KLHL2: variants seen among roughly 807,000 people sequenced by gnomAD.
The protein encoded by KLHL2 is kelch-like protein 2.
Under a neutral mutation model 75.8 loss-of-function variants are expected in KLHL2, and 15 were observed. The observed-to-expected ratio is 0.20, with a 90% CI of 0.13 to 0.30. The LOEUF is 0.30. KLHL2 is among the 10% of genes least tolerant of loss of function. The pLI is 1.00. For missense variants in KLHL2, 381 were observed against 741.0 expected (o/e 0.51, Z 5.64); for synonymous variants, 214 against 251.9 (o/e 0.85, Z 1.42).
intron 3 of KLHL2, among the ~76,000 whole-genome samples, chr4:165,230,762 T>A (rs553594910): frequency 6.6e-6 from 1 of 152,330 alleles, no homozygotes; most frequent in Admixed American, 6.5e-5. Context: ...TTATTATGTT[T>A]TTAGCTCTCT....
chr4:165,311,003 C>T (rs991735364), intron 10 of KLHL2, among the ~76,000 whole-genome samples: 3 of 151,804 alleles, frequency 2.0e-5, no homozygotes, highest in South Asian at 2.1e-4. Context: ...TATAGGTGCC[C>T]GCCACCACGC....
At chr4:165,210,780 C>G (rs1344111330) in intron 1 of KLHL2, among the ~76,000 whole-genome samples, 2 of 152,150 alleles carry the variant, frequency 1.3e-5, no homozygotes, top group African/African-American at 4.8e-5. Flanking sequence ...TACAGTCTGG[C>G]TTTTATAGTT....
chr4:165,238,671 C>T, intron 3 of KLHL2, 107 bp from the exon 4 acceptor site: 1 of 1,557,674 alleles, frequency 6.4e-7, no homozygotes, highest in Non-Finnish European at 8.6e-7. Context: ...GATTATGCTG[C>T]CTGTTGAATA....
chr4:165,217,809 A>G (rs1737651925), intron 1 of KLHL2, among the ~76,000 whole-genome samples: 1 of 152,124 alleles, frequency 6.6e-6, no homozygotes, highest in Non-Finnish European at 1.5e-5. Flanking sequence ...CTAGACTCCA[A>G]TATTTATCTG....
chr4:165,278,471 A>G (rs1239993423), intron 5 of KLHL2: 1 of 1,576,560 alleles, frequency 6.3e-7, no homozygotes, highest in Non-Finnish European at 8.7e-7. Flanking sequence ...AGCAAAAGCA[A>G]TATGGCATTT....
intron 7 of KLHL2, among the ~76,000 whole-genome samples, chr4:165,298,644 A>G (rs1038852608): frequency 1.3e-5 from 2 of 152,126 alleles, no homozygotes; most frequent in Non-Finnish European, 2.9e-5. Flanking sequence ...GGTATTAAGA[A>G]GATGATCCAA....
At chr4:165,249,384 C>G (rs1259669720) in intron 4 of KLHL2, among the ~76,000 whole-genome samples, 2 of 152,152 alleles carry the variant, frequency 1.3e-5, no homozygotes, top group Non-Finnish European at 2.9e-5. Context: ...CGGTGTGCAT[C>G]ATTCTCAGGA....
At chr4:165,303,829 G>T (rs566302972) in intron 8 of KLHL2, among the ~76,000 whole-genome samples, 3 of 152,248 alleles carry the variant, frequency 2.0e-5, no homozygotes, top group African/African-American at 7.2e-5. Flanking sequence ...CTCCCAAAGT[G>T]CTGGGATTAC....
At chr4:165,285,556 G>A (rs1166344883) in intron 5 of KLHL2, among the ~76,000 whole-genome samples, 17 of 152,014 alleles carry the variant, frequency 1.1e-4, no homozygotes, top group Non-Finnish European at 2.9e-5. Context: ...ACAGGTTCCC[G>A]CCACCATTCC....
At chr4:165,218,624 C>A (rs547602171) in intron 1 of KLHL2, among the ~76,000 whole-genome samples, 1 of 152,176 alleles carries the variant, frequency 6.6e-6, no homozygotes, top group Non-Finnish European at 1.5e-5. Context: ...CCTTTCCCCC[C>A]ACCAGACTCC....
chr4:165,264,555 T>C (rs1741990053), intron 5 of KLHL2, among the ~76,000 whole-genome samples: 1 of 149,218 alleles, frequency 6.7e-6, no homozygotes, highest in African/African-American at 2.5e-5. Context: ...CATTATTTCT[T>C]TCTTTTTTTA....
chr4:165,297,048 G>A (rs1744965336), intron 6 of KLHL2, among the ~76,000 whole-genome samples: 2 of 151,876 alleles, frequency 1.3e-5, no homozygotes, highest in South Asian at 2.1e-4. Context: ...TTATCCAATT[G>A]CATATTGTCA....
At chr4:165,311,401 C>T in intron 10 of KLHL2, 63 bp from the exon 11 acceptor site, 1 of 1,160,404 alleles carries the variant, frequency 8.6e-7, no homozygotes, top group Non-Finnish European at 1.3e-6. Flanking sequence ...AGTATTTTTC[C>T]ATATATATGA....
intron 4 of KLHL2, among the ~76,000 whole-genome samples, chr4:165,257,031 T>A (rs1741232846): frequency 1.3e-5 from 2 of 152,268 alleles, no homozygotes; most frequent in Non-Finnish European, 1.5e-5. Context: ...TTTCTCTTGT[T>A]ATTGGACATT....
intron 5 of KLHL2, among the ~76,000 whole-genome samples, chr4:165,287,725 T>C (rs900499866): frequency 4.1e-4 from 62 of 152,202 alleles, no homozygotes; most frequent in African/African-American, 1.5e-3. Flanking sequence ...TATCTCATTG[T>C]GGTTTTGAGT....
chr4:165,213,870 G>A (rs920498621), intron 1 of KLHL2, among the ~76,000 whole-genome samples: 4 of 152,156 alleles, frequency 2.6e-5, no homozygotes, highest in African/African-American at 9.7e-5. Flanking sequence ...TTTAGATCCT[G>A]AATTCAACAA....
chr4:165,289,291 A>G (rs1184981973), intron 5 of KLHL2, among the ~76,000 whole-genome samples: 1 of 152,204 alleles, frequency 6.6e-6, no homozygotes, highest in East Asian at 1.9e-4. Context: ...TGCTCCATAT[A>G]TGTTAACCAC....
At chr4:165,299,091 G>T (rs750596825) in intron 7 of KLHL2, among the ~76,000 whole-genome samples, 2 of 152,004 alleles carry the variant, frequency 1.3e-5, no homozygotes, top group Non-Finnish European at 2.9e-5. Flanking sequence ...TTGCCCACTT[G>T]TGTTTGAAAA....
chr4:165,209,677 G>C lies in KLHL2; in HGVS notation c.26+1775G>C, dbSNP rs557131544. ...TAGTGCTGGAACAATGAGAGGCTGA[G>C]ATATAATGGAAAACTTGGAATGCCA... On this transcript the variant is annotated intron_variant, in intron 1 of 14. Transcript: ENST00000226725. Among the ~76,000 whole-genome samples the C allele has an allele frequency of 9.3e-4, 141 of 152,328 alleles. 2 individuals carry two copies. The Middle Eastern group carries it at 0.01, about 11-fold the overall frequency.
Sources: allele counts gnomAD v4.1 joint callset (sites outside exome capture counted in the v4.1 genomes callset), GRCh38; gene constraint gnomAD v4.1.1; transcripts MANE v1.5; gene names NCBI Gene and HGNC (gene_info 2026-07-23, HGNC 2026-07-21).